Variants in TMEM117 observed in about 807,000 individuals in gnomAD.
TMEM117 encodes the protein transmembrane protein 117.
TMEM117 carries 27 observed loss-of-function variants against 52.4 expected under a neutral mutation model. The observed-to-expected ratio is 0.51, with a 90% CI of 0.38 to 0.71. The LOEUF (loss-of-function observed/expected upper bound fraction) is 0.71, where lower values mean the gene tolerates loss of function less well. Among genes scored for constraint, TMEM117 ranks in the 30% least tolerant of loss-of-function variants. The probability of loss-of-function intolerance (pLI) is 0.00; values close to 1 mark genes in which losing one functional copy is unlikely to be tolerated. For missense variants in TMEM117, 556 were observed against 630.5 expected, an observed-to-expected ratio of 0.88 and a Z score of 1.26; for synonymous variants, 215 against 206.3, an observed-to-expected ratio of 1.04 and a Z score of -0.36.
intron 6 of TMEM117, among the ~76,000 whole-genome samples, chr12:44,320,614 A>G (rs1951117480): frequency 6.6e-6 from 1 of 152,184 alleles, no homozygotes; most frequent in Non-Finnish European, 1.5e-5. Flanking sequence ...TTAAAATAGT[A>G]CAGACCTTTG....
chr12:43,817,695 T>A, the TMEM117 span, among the ~76,000 whole-genome samples: 2 of 152,202 alleles, frequency 1.3e-5, no homozygotes, highest in Non-Finnish European at 2.9e-5. Context: ...CTTTATTAGA[T>A]TAGTTGATTC....
At chr12:44,336,225 T>C (rs1951338957) in intron 6 of TMEM117, among the ~76,000 whole-genome samples, 1 of 152,012 alleles carries the variant, frequency 6.6e-6, no homozygotes, top group South Asian at 2.1e-4. Context: ...CCTGTGATCT[T>C]ATGCAAGTTT....
At chr12:44,094,513 C>A (rs1200822846) in intron 3 of TMEM117, among the ~76,000 whole-genome samples, 2 of 152,082 alleles carry the variant, frequency 1.3e-5, no homozygotes, top group Non-Finnish European at 2.9e-5. Context: ...GAAAGAAATG[C>A]ATTAGTGAAA....
At chr12:43,916,759 C>G (rs1229026327) in intron 2 of TMEM117, among the ~76,000 whole-genome samples, 3 of 152,126 alleles carry the variant, frequency 2.0e-5, no homozygotes, top group Admixed American at 6.6e-5. Context: ...AATGGCATCT[C>G]AAAGTTTTCC....
chr12:44,211,232 G>C, intron 4 of TMEM117, 58 bp from the exon 5 acceptor site: 2 of 1,153,776 alleles, frequency 1.7e-6, no homozygotes, highest in Non-Finnish European at 2.6e-6. Context: ...TAGGCTTATA[G>C]TTAAATCTGA....
Position 44,376,467 on chromosome 12 carries a change from G to A in TMEM117, c.769-128G>A. On this transcript the variant is annotated intron_variant, in intron 6 of 7. Coordinates refer to ENST00000266534, the MANE Select transcript of TMEM117 (RefSeq NM_032256.3). Reference sequence around the variant, plus strand: ...AAAATAACCATCACAGAATGAAACTGATATATCCAACAGCTGGCTGCATTT... The same window carrying A: ...AAAATAACCATCACAGAATGAAACTAATATATCCAACAGCTGGCTGCATTT... 2.7e-6 allele frequency: 3 copies of A among 1,096,796 alleles called. No homozygotes were observed. The South Asian group carries it at 3.9e-5, about 14-fold the overall frequency. 67.9% of individuals were successfully genotyped at this position (1,096,796 alleles called of 1,614,324 possible).
intron 3 of TMEM117, among the ~76,000 whole-genome samples, chr12:43,957,097 G>A (rs1443113713): frequency 6.6e-6 from 1 of 152,088 alleles, no homozygotes; most frequent in East Asian, 1.9e-4. Flanking sequence ...AGTGGGAGTT[G>A]AACAATGAGA....
At chr12:44,207,792 C>G (rs1013478973) in intron 4 of TMEM117, among the ~76,000 whole-genome samples, 1 of 147,206 alleles carries the variant, frequency 6.8e-6, no homozygotes, top group Non-Finnish European at 1.5e-5. Flanking sequence ...GGTTAATTAC[C>G]TTGCCCTAAA....
At chr12:43,897,172 T>C (rs1944219507) in intron 2 of TMEM117, among the ~76,000 whole-genome samples, 1 of 152,206 alleles carries the variant, frequency 6.6e-6, no homozygotes, top group East Asian at 1.9e-4. Context: ...GTCTACATTT[T>C]CCTCAGTCTC....
intron 4 of TMEM117, among the ~76,000 whole-genome samples, chr12:44,190,899 T>C (rs1205268336): frequency 6.8e-6 from 1 of 148,108 alleles, no homozygotes; most frequent in African/African-American, 2.5e-5. Flanking sequence ...ATATATAAAG[T>C]ATATATGTAA....
chr12:43,963,311 T>C (rs557021681), intron 3 of TMEM117, among the ~76,000 whole-genome samples: 41 of 152,252 alleles, frequency 2.7e-4, no homozygotes, highest in Non-Finnish European at 4.1e-4. Flanking sequence ...TATTAGAGAA[T>C]TTGATGTACA....
intron 6 of TMEM117, among the ~76,000 whole-genome samples, chr12:44,346,809 T>C (rs1231830346): frequency 2.6e-5 from 4 of 152,040 alleles, no homozygotes; most frequent in African/African-American, 7.2e-5. Flanking sequence ...AAAGATGCCA[T>C]AGGCCAAAAT....
In TMEM117 at chr12:44,255,468, C is replaced by T. The variant is rs190255373; in HGVS notation, c.608+44081C>T. The stretch of plus-strand genomic sequence containing the variant: ...TTATAATACTGACATATAACACTGA[C>T]ATATATGACATATAGTAACTAAATG... On this transcript the variant is annotated intron_variant, in intron 5 of 7. Transcript: ENST00000266534. Among the ~76,000 whole-genome samples, 200 of 152,174 alleles carry T rather than the reference C, an allele frequency of 1.3e-3. 2 individuals carry two copies. Among genetic ancestry groups the T allele is most frequent in the Admixed American group, 0.012 (188 of 15,272 alleles).
chr12:43,798,359 C>G, the TMEM117 span, among the ~76,000 whole-genome samples: 13 of 152,060 alleles, frequency 8.5e-5, no homozygotes, highest in Non-Finnish European at 4.4e-5. Context: ...TGTGCATGTA[C>G]TGGAAGAGGA....
At chr12:43,936,612 A>C (rs1944955623) in intron 2 of TMEM117, among the ~76,000 whole-genome samples, 1 of 152,220 alleles carries the variant, frequency 6.6e-6, no homozygotes. Context: ...GGGATGCCCA[A>C]AATGGTGACT....
At chr12:43,884,702 G>A (rs553125816) in intron 2 of TMEM117, among the ~76,000 whole-genome samples, 45 of 152,284 alleles carry the variant, frequency 3.0e-4, no homozygotes, top group Non-Finnish European at 5.3e-4. Context: ...TCAGGCTGGT[G>A]GGAACAGGGG....
intron 2 of TMEM117, among the ~76,000 whole-genome samples, chr12:43,867,004 C>T (rs1036548595): frequency 4.0e-5 from 6 of 151,878 alleles, no homozygotes; most frequent in Non-Finnish European, 5.9e-5. Flanking sequence ...GCAGGAGAAT[C>T]GCTTGAACCC....
intron 2 of TMEM117, among the ~76,000 whole-genome samples, chr12:43,925,120 G>C (rs1364201813): frequency 6.6e-6 from 1 of 152,046 alleles, no homozygotes; most frequent in African/African-American, 2.4e-5. Context: ...TCGAGAGAGG[G>C]ACCACGGTGG....
rs185588551 is a variant in TMEM117, at chr12:44,071,895, G to A, written c.411-71630G>A. Among the ~76,000 whole-genome samples the A allele has an allele frequency of 3.3e-4, 51 of 152,316 alleles. 1 individual carries two copies. The highest frequency in any genetic ancestry group is 1.2e-3 in the African/African-American group (49 of 41,566). On this transcript the variant is annotated intron_variant, in intron 3 of 7. Transcript: ENST00000266534. ...TCTAGGCTCCGATCCGGAGGTTCTG[G>A]TTAAGCAGGGGTGGTGACAAGCCTG...
Sources: gnomAD v4.1 joint callset for allele counts (sites outside exome capture counted in the v4.1 genomes callset) on GRCh38, gnomAD v4.1.1 for gene constraint, MANE v1.5 for transcripts, NCBI Gene and HGNC (gene_info 2026-07-23, HGNC 2026-07-21) for gene names.